The following LRRC49 variants were observed in gnomAD, a reference collection of about 807,000 sequenced individuals.
LRRC49 encodes leucine rich repeat containing 49.
In LRRC49, 50 loss-of-function variants were observed where a neutral mutation model predicts 83.3. That is an observed-to-expected ratio of 0.60 (90% CI 0.48 to 0.76). The LOEUF is 0.76. Ranked by LOEUF, LRRC49 falls within the 30% of genes least tolerant of loss-of-function variation. The pLI, the probability that LRRC49 is intolerant of heterozygous loss-of-function variation, is 0.00. For synonymous variants in LRRC49, 286 were observed against 283.3 expected, an observed-to-expected ratio of 1.01 and a Z score of -0.10; for missense variants, 704 against 809.1, an observed-to-expected ratio of 0.87 and a Z score of 1.58.
chr15:71,025,781 A>G (rs1040715671), intron 14 of LRRC49, among the ~76,000 whole-genome samples: 3 of 151,868 alleles, frequency 2.0e-5, no homozygotes, highest in African/African-American at 7.2e-5. Flanking sequence ...CAAAAAAGAC[A>G]GAGAAGGGCA....
chr15:71,049,597 A>G lies in LRRC49; in HGVS notation c.2046A>G (p.Ile682Met), dbSNP rs1356076382. 2 of 1,596,566 alleles carry G rather than the reference A, an allele frequency of 1.3e-6. No individual in the cohort carries two copies. The highest frequency in any genetic ancestry group is 1.7e-6 in the Non-Finnish European group (2 of 1,175,598). Residue 682 changes from isoleucine to methionine, a missense_variant, in exon 16 of 16, where the codon ATA becomes ATG. Transcript: ENST00000260382. ...NSYMKLCLQQITDQK is the reference protein window; with the variant it reads ...NSYMKLCLQQMTDQK ...ATATGAAGCTCTGCCTACAGCAGAT[A>G]ACAGACCAAAAATAAAAATGGCCTT...
At chr15:70,980,354 A>T (rs1346945568) in intron 10 of LRRC49, among the ~76,000 whole-genome samples, 170 bp downstream of exon 10, 1 of 152,172 alleles carries the variant, frequency 6.6e-6, no homozygotes, top group Non-Finnish European at 1.5e-5. Flanking sequence ...CCTATAAATA[A>T]ACCTGTACTT....
At position 71,049,440 on chromosome 15, in the gene LRRC49, CAT is replaced by C. The variant is rs1464523996; in HGVS notation, c.1895_1896del (p.Ile632ArgfsTer15). ...AAGGAAAAGAAGAAATTCTGTAAAA[CAT>C]ATATAGAAGACCTTGTGAAGGAAGC... On this transcript the variant is annotated frameshift_variant, in exon 16 of 16. Transcript: ENST00000260382. LOFTEE classifies it high-confidence loss of function. 2 of 1,606,546 alleles carry C rather than the reference CAT, an allele frequency of 1.2e-6. No homozygotes were observed. Among genetic ancestry groups the C allele is most frequent in the Non-Finnish European group, 1.7e-6 (2 of 1,176,428 alleles).
intron 11 of LRRC49, among the ~76,000 whole-genome samples, chr15:70,990,148 A>C (rs541521228): frequency 6.6e-6 from 1 of 152,286 alleles, no homozygotes; most frequent in South Asian, 2.1e-4. Context: ...TGGGAGAACC[A>C]CTGCTGTCTT....
At chr15:71,036,394 T>C (rs1372155698) in intron 14 of LRRC49, among the ~76,000 whole-genome samples, 1 of 152,182 alleles carries the variant, frequency 6.6e-6, no homozygotes, top group Non-Finnish European at 1.5e-5. Context: ...TCTCTAAAAT[T>C]ATTGTGTTAT....
At chr15:70,860,193 C>G in intron 1 of LRRC49, 1 of 650,530 alleles carries the variant, frequency 1.5e-6, no homozygotes, top group Non-Finnish European at 2.7e-6. Flanking sequence ...CATCCTACCC[C>G]TCCTGCGGCT....
At chr15:70,982,181 T>C (rs1169737734) in intron 10 of LRRC49, among the ~76,000 whole-genome samples, 1 of 152,156 alleles carries the variant, frequency 6.6e-6, no homozygotes, top group African/African-American at 2.4e-5. Flanking sequence ...TCTAAAGATA[T>C]TTTATGCCCT....
chr15:70,960,408 G>A (rs940899136), intron 8 of LRRC49, among the ~76,000 whole-genome samples: 1 of 152,208 alleles, frequency 6.6e-6, no homozygotes, highest in Non-Finnish European at 1.5e-5. Context: ...GTCTGATGAG[G>A]AGTGATATAA....
rs113210155 is a variant in LRRC49, at chr15:71,050,844, CTT to C, written c.*1244_*1245del. ...AAGGCTGTCCTGGTTTTTTCTTTTT[CTT>C]TTTTTTTTTTTGAGACAGAGTCTTG... On this transcript the variant is annotated 3_prime_UTR_variant, in exon 16 of 16. Coordinates refer to ENST00000260382, the MANE Select transcript of LRRC49 (RefSeq NM_017691.5). 16 of 144,732 alleles carry C rather than the reference CTT, an allele frequency of 1.1e-4. No individual in the cohort carries two copies. Among genetic ancestry groups the C allele is most frequent in the South Asian group, 2.2e-4 (1 of 4,540 alleles). The allele number at this position is 144,732 out of a possible 1,614,324, so 9.0% of individuals were successfully genotyped here.
At chr15:70,898,503 T>C in intron 3 of LRRC49, 1 of 682,252 alleles carries the variant, frequency 1.5e-6, no homozygotes, top group South Asian at 1.6e-5. Context: ...GGCCGGTTGC[T>C]ATGGCTCATG....
intron 6 of LRRC49, among the ~76,000 whole-genome samples, chr15:70,917,878 A>G (rs989929545): frequency 4.6e-5 from 7 of 152,350 alleles, no homozygotes; most frequent in Admixed American, 1.3e-4. Flanking sequence ...TAAAAGAGCT[A>G]TAACACAAAC....
chr15:71,027,936 T>G (rs1242087542), intron 14 of LRRC49, among the ~76,000 whole-genome samples: 1 of 152,216 alleles, frequency 6.6e-6, no homozygotes, highest in Non-Finnish European at 1.5e-5. Flanking sequence ...TACACTTTAT[T>G]TCTTTCTCTT....
At chr15:70,990,845 A>G (rs1294065022) in intron 11 of LRRC49, among the ~76,000 whole-genome samples, 1 of 152,084 alleles carries the variant, frequency 6.6e-6, no homozygotes, top group Non-Finnish European at 1.5e-5. Context: ...TCCCTGCACT[A>G]TTTCTCTGAT....
intron 6 of LRRC49, among the ~76,000 whole-genome samples, chr15:70,915,734 T>C (rs963027725): frequency 7.9e-5 from 12 of 152,238 alleles, no homozygotes; most frequent in African/African-American, 2.9e-4. Context: ...TACACAGTTT[T>C]ATCATCTGTT....
At chr15:70,906,128 C>T (rs557300774) in intron 5 of LRRC49, among the ~76,000 whole-genome samples, 7 of 143,240 alleles carry the variant, frequency 4.9e-5, no homozygotes, top group South Asian at 2.2e-4. Context: ...GATGGAGTCT[C>T]GCACTGTCAC....
intron 11 of LRRC49, 165 bp downstream of exon 11, chr15:70,984,422 A>C (rs561631998): frequency 1.8e-6 from 1 of 571,280 alleles, no homozygotes; most frequent in Non-Finnish European, 2.9e-6. Flanking sequence ...TCTTACTATA[A>C]CATTCTCCAA....
At chr15:70,970,757 C>G (rs1016923036) in intron 9 of LRRC49, among the ~76,000 whole-genome samples, 3 of 152,198 alleles carry the variant, frequency 2.0e-5, no homozygotes, top group Middle Eastern at 3.4e-3. Flanking sequence ...TCTAGATTTT[C>G]TAGTTTATTT....
chr15:71,001,593 C>CTTG (rs998292805), intron 11 of LRRC49, among the ~76,000 whole-genome samples: 4 of 152,190 alleles, frequency 2.6e-5, no homozygotes, highest in Admixed American at 2.6e-4. Flanking sequence ...CCCTACTGCA[C>CTTG]TTGTTGTTGT....
At chr15:70,869,033 G>A (rs2032970839) in intron 1 of LRRC49, among the ~76,000 whole-genome samples, 1 of 152,110 alleles carries the variant, frequency 6.6e-6, no homozygotes, top group South Asian at 2.1e-4. Context: ...GAAATCACAT[G>A]AATATTCAGT....
Sources: gnomAD v4.1 joint callset for allele counts (sites outside exome capture counted in the v4.1 genomes callset) on GRCh38, gnomAD v4.1.1 for gene constraint, MANE v1.5 for transcripts, NCBI Gene and HGNC (gene_info 2026-07-23, HGNC 2026-07-21) for gene names.